The following SEPTIN6 variants were observed in gnomAD, a reference collection of about 807,000 sequenced individuals.
SEPTIN6 encodes the protein septin 6.
In SEPTIN6, 8 loss-of-function variants were observed where a neutral mutation model predicts 33.6. The ratio of observed to expected loss-of-function variants is 0.24; its 90% CI spans 0.14 to 0.43. The LOEUF is 0.43. Ranked by LOEUF, SEPTIN6 falls within the 20% of genes least tolerant of loss-of-function variation. The pLI is 1.00. For missense variants in SEPTIN6, 250 were observed against 340.8 expected (o/e 0.73, Z 2.10); for synonymous variants, 131 against 140.0 (o/e 0.94, Z 0.45).
At chrX:119,634,201 T>C (rs146321888) in intron 7 of SEPTIN6, among the ~76,000 whole-genome samples, 1,827 of 110,438 alleles carry the variant, frequency 0.017, 19 homozygotes, top group Non-Finnish European at 0.025. Context: ...ACCCCATCTC[T>C]ACTAAAAAAT....
chrX:119,618,618 A>G lies in SEPTIN6; in HGVS notation c.*1475T>C. The G allele has an allele frequency of 1.1e-5, 12 of 1,055,572 alleles. No individual in the cohort carries two copies. Among genetic ancestry groups the G allele is most frequent in the Non-Finnish European group, 1.4e-5 (11 of 813,841 alleles). The allele number at this position is 1,055,572 out of a possible 1,213,427, so 87.0% of individuals were successfully genotyped here. On this transcript the variant is annotated 3_prime_UTR_variant, in exon 11 of 11. Coordinates refer to ENST00000394610, the MANE Select transcript of SEPTIN6 (RefSeq NM_145799.4). ...AGGCAGGAGCAAGTTGCGGAACTCA[A>G]AAAGAAGAAGTGAGCTTGAAGTACA... is the stretch of plus-strand genomic sequence containing the variant.
intron 5 of SEPTIN6, among the ~76,000 whole-genome samples, chrX:119,642,177 CAAA>C (rs1188953936): frequency 8.8e-5 from 4 of 45,353 alleles, no homozygotes; most frequent in African/African-American, 1.4e-4. Context: ...GACCCAGTCT[CAAA>C]AAAAAAAAAA....
chrX:119,683,698 T>C (rs891469673), intron 1 of SEPTIN6, among the ~76,000 whole-genome samples: 1 of 111,831 alleles, frequency 8.9e-6, no homozygotes, highest in South Asian at 3.6e-4. Context: ...TGTTCTACAA[T>C]AGGCATATTT....
Position 119,640,732 on chromosome X carries a change from C to T in SEPTIN6, c.747G>A (p.Lys249=). ...AAGGATACTGCCGCGCCCTCATCAT[C>T]TTGTTGCCTATCTTCAGTTCTTCTG... The part of the protein sequence containing the change: ...GSTEELKIGN[K]MMRARQYPWG... The change falls in exon 6 of 11, where the codon AAG becomes AAA. Residue 249 remains lysine, a synonymous_variant. Transcript: ENST00000394610. 8.3e-7 allele frequency: 1 copy of T among 1,211,578 alleles called. No homozygotes were observed. Among genetic ancestry groups the T allele is most frequent in the Non-Finnish European group, 1.1e-6 (1 of 895,326 alleles).
intron 2 of SEPTIN6, among the ~76,000 whole-genome samples, chrX:119,664,109 G>A (rs186934412): frequency 2.8e-4 from 31 of 110,234 alleles, no homozygotes; most frequent in African/African-American, 9.2e-4. Flanking sequence ...TCAGCCTCCC[G>A]AGTAGCTGGG....
intron 5 of SEPTIN6, among the ~76,000 whole-genome samples, chrX:119,644,766 A>C (rs2054216281): frequency 9.3e-6 from 1 of 107,862 alleles, no homozygotes; most frequent in African/African-American, 3.4e-5. Context: ...GAATTGCTTG[A>C]ACCTGGGAGG....
At chrX:119,663,983 T>G (rs987663882) in intron 2 of SEPTIN6, among the ~76,000 whole-genome samples, 5 of 110,846 alleles carry the variant, frequency 4.5e-5, no homozygotes, top group African/African-American at 1.6e-4. Flanking sequence ...TGTTGTTGTT[T>G]GTTTGTTTGT....
downstream of SEPTIN6, chrX:119,616,113 G>A: frequency 5.2e-6 from 1 of 191,618 alleles, no homozygotes; most frequent in Non-Finnish European, 9.9e-6. Flanking sequence ...GGTCTCGGAA[G>A]GTGGAATGGA....
rs1299978426 is a variant in SEPTIN6 at position 119,618,912 on chromosome X, C to A, written c.*1181G>T. The A allele has an allele frequency of 2.2e-5, 24 of 1,089,856 alleles. No homozygotes were observed. Among genetic ancestry groups the A allele is most frequent in the Non-Finnish European group, 2.9e-5 (24 of 834,219 alleles). 89.8% of individuals were successfully genotyped at this position (1,089,856 alleles called of 1,213,427 possible). On this transcript the variant is annotated 3_prime_UTR_variant, in exon 11 of 11. Coordinates refer to ENST00000394610, the MANE Select transcript of SEPTIN6 (RefSeq NM_145799.4). ...GCCTCATAACCCTGACAAGGGAGGGCTCTCTACTTCACAGAGGTTCCCAAA... is the reference window on the plus strand; with the variant it reads ...GCCTCATAACCCTGACAAGGGAGGGATCTCTACTTCACAGAGGTTCCCAAA...
At chrX:119,627,546 G>T (rs1193556865) in intron 9 of SEPTIN6, among the ~76,000 whole-genome samples, 1 of 110,806 alleles carries the variant, frequency 9.0e-6, no homozygotes, top group Non-Finnish European at 1.9e-5. Context: ...AGCACCCCAG[G>T]CTAGGCAGAA....
At chrX:119,690,868 C>T (rs780685633) in intron 1 of SEPTIN6, among the ~76,000 whole-genome samples, 1 of 110,893 alleles carries the variant, frequency 9.0e-6, no homozygotes, top group Non-Finnish European at 1.9e-5. Flanking sequence ...GAGTTAACTC[C>T]GTCTTCCCTG....
rs748483040 is a variant in SEPTIN6, at chrX:119,644,235, C to T, written c.691-3447G>A. 2.7e-5 allele frequency among the ~76,000 whole-genome samples: 3 copies of T among 110,892 alleles called. No homozygotes were observed. In the South Asian group the frequency reaches 1.1e-3, roughly 42 times the overall value. ...TGTGTGACTCTCTCACTCAGACTTC[C>T]AATGAGGCGCCCTCGGATATCAGAT... On this transcript the variant is annotated intron_variant, in intron 5 of 10. Transcript: ENST00000394610.
At chrX:119,691,389 A>C (rs370579475) in intron 1 of SEPTIN6, among the ~76,000 whole-genome samples, 4 of 112,413 alleles carry the variant, frequency 3.6e-5, no homozygotes, top group African/African-American at 1.3e-4. Context: ...TAATTCCTCT[A>C]CTTCAGCTAT....
intron 1 of SEPTIN6, among the ~76,000 whole-genome samples, chrX:119,675,912 A>G (rs2054832612): frequency 9.0e-6 from 1 of 110,529 alleles, no homozygotes. Flanking sequence ...AGAGAAAATT[A>G]CAGAGGAGCT....
In SEPTIN6 at chrX:119,625,023, T is replaced by A. The variant is rs545459282; in HGVS notation, c.*41+312A>T. ...CCACTGCGTCCGGCCCGATTATGGCTCTTTAAGAAAAAAACTTCCCACACT... is the reference window on the plus strand; with the variant it reads ...CCACTGCGTCCGGCCCGATTATGGCACTTTAAGAAAAAAACTTCCCACACT... On this transcript the variant is annotated intron_variant, in intron 10 of 10. Transcript: ENST00000394610. 4.7e-4 allele frequency among the ~76,000 whole-genome samples: 52 copies of A among 111,505 alleles called. No homozygotes were observed. The South Asian group carries it at 0.018, about 39-fold the overall frequency.
At chrX:119,646,077 A>G (rs771823414) in intron 5 of SEPTIN6, among the ~76,000 whole-genome samples, 44 of 111,851 alleles carry the variant, frequency 3.9e-4, no homozygotes, top group Non-Finnish European at 7.0e-4. Context: ...TCATCTAATG[A>G]TAATATTCTG....
chrX:119,689,369 C>T (rs1050978453), intron 1 of SEPTIN6, among the ~76,000 whole-genome samples: 1 of 112,351 alleles, frequency 8.9e-6, no homozygotes, highest in African/African-American at 3.2e-5. Flanking sequence ...GCCCAAGCCA[C>T]CTCATAGTCA....
chrX:119,620,387 C>T (rs1426620148), intron 10 of SEPTIN6, among the ~76,000 whole-genome samples: 2 of 99,592 alleles, frequency 2.0e-5, no homozygotes, highest in Admixed American at 1.1e-4. Context: ...GGTGCGATCT[C>T]GGCTCGCTGC....
intron 2 of SEPTIN6, among the ~76,000 whole-genome samples, chrX:119,667,974 ATATGAGTACTACGAAATATGTTTTT>A (rs1390818164): frequency 8.9e-6 from 1 of 112,016 alleles, no homozygotes; most frequent in Non-Finnish European, 1.9e-5. Context: ...ATTAAAACAT[ATATGAGTACTACGAAATATGTTTTT>A]TTTCAAACTA....
Sources: gnomAD v4.1 joint callset for allele counts (sites outside exome capture counted in the v4.1 genomes callset) on GRCh38, gnomAD v4.1.1 for gene constraint, MANE v1.5 for transcripts, NCBI Gene and HGNC (gene_info 2026-07-23, HGNC 2026-07-21) for gene names.